Variants in DIAPH2 observed in about 807,000 individuals in gnomAD.
DIAPH2 encodes the protein diaphanous related formin 2.
Under a neutral mutation model 92.7 loss-of-function variants are expected in DIAPH2, and 35 were observed. That is an observed-to-expected ratio of 0.38 (90% CI 0.29 to 0.50). The LOEUF is 0.50. DIAPH2 is among the 20% of genes least tolerant of loss of function. The pLI, the probability that DIAPH2 is intolerant of heterozygous loss-of-function variation, is 0.94. For missense variants in DIAPH2, 701 were observed against 819.5 expected (o/e 0.86, Z 1.77); for synonymous variants, 301 against 280.4 (o/e 1.07, Z -0.73).
chrX:97,247,130 C>A (rs2068149134), intron 22 of DIAPH2, among the ~76,000 whole-genome samples: 1 of 111,399 alleles, frequency 9.0e-6, no homozygotes, highest in African/African-American at 3.3e-5. Flanking sequence ...TGAGGGCAGG[C>A]TGAATCTTTG....
intron 26 of DIAPH2, among the ~76,000 whole-genome samples, chrX:97,514,822 G>A (rs968534499): frequency 2.7e-5 from 3 of 109,971 alleles, no homozygotes; most frequent in Non-Finnish European, 5.7e-5. Flanking sequence ...TAGGCTGCTC[G>A]GGGGTCAGAG....
intron 22 of DIAPH2, among the ~76,000 whole-genome samples, chrX:97,231,072 A>G (rs1042547795): frequency 2.8e-4 from 32 of 112,294 alleles, no homozygotes; most frequent in African/African-American, 1.0e-3. Flanking sequence ...TGTGAGGGAA[A>G]CTTTAGAATT....
intron 24 of DIAPH2, among the ~76,000 whole-genome samples, chrX:97,366,343 C>G (rs1459478695): frequency 8.9e-6 from 1 of 112,098 alleles, no homozygotes; most frequent in African/African-American, 3.2e-5. Context: ...TCTTCGTCAA[C>G]ATTGATTTAG....
chrX:97,132,228 C>T (rs1480330595), intron 21 of DIAPH2, among the ~76,000 whole-genome samples: 1 of 111,194 alleles, frequency 9.0e-6, no homozygotes, highest in Non-Finnish European at 1.9e-5. Flanking sequence ...TTGGAAATAT[C>T]ATTATAATAC....
intron 4 of DIAPH2, among the ~76,000 whole-genome samples, chrX:96,838,983 A>G (rs2064917468): frequency 8.9e-6 from 1 of 111,930 alleles, no homozygotes. Flanking sequence ...TTTTAGATGT[A>G]TATTTGAATC....
chrX:97,162,761 C>T (rs970589829), intron 22 of DIAPH2, among the ~76,000 whole-genome samples: 3 of 111,665 alleles, frequency 2.7e-5, no homozygotes, highest in Non-Finnish European at 5.6e-5. Context: ...GTGATCCACC[C>T]GCCTCAGCCT....
At chrX:96,887,372 G>C (rs1164679741) in intron 5 of DIAPH2, among the ~76,000 whole-genome samples, 1 of 111,273 alleles carries the variant, frequency 9.0e-6, no homozygotes, top group East Asian at 2.8e-4. Flanking sequence ...TGCCCTGATA[G>C]TTAGCCACAC....
chrX:97,368,695 T>A (rs1204868234), intron 24 of DIAPH2, among the ~76,000 whole-genome samples: 27 of 16,455 alleles, frequency 1.6e-3, no homozygotes, highest in Non-Finnish European at 3.7e-3. Context: ...TCAAAAAGTA[T>A]AAGCCCAAGT....
At chrX:97,313,799 C>T (rs1027199809) in intron 23 of DIAPH2, among the ~76,000 whole-genome samples, 9 of 110,213 alleles carry the variant, frequency 8.2e-5, no homozygotes, top group South Asian at 4.0e-4. Context: ...CCACCATGCC[C>T]GGCTAATTTT....
intron 23 of DIAPH2, among the ~76,000 whole-genome samples, chrX:97,311,505 GGGAGTGCTGATT>G (rs770217577): frequency 1.6e-4 from 18 of 111,183 alleles, no homozygotes; most frequent in Non-Finnish European, 3.4e-4. Context: ...CCTGTGAGCC[GGGAGTGCTGATT>G]GGTTAGGTCA....
chrX:96,962,456 CATATATATATACATATATATAT>C (rs2065866954), intron 16 of DIAPH2, among the ~76,000 whole-genome samples: 1 of 57,492 alleles, frequency 1.7e-5, no homozygotes, highest in Non-Finnish European at 2.9e-5. Flanking sequence ...TATACACACA[CATATATATATACATATATATAT>C]ACACACACAC....
intron 5 of DIAPH2, among the ~76,000 whole-genome samples, chrX:96,888,172 T>A (rs1300899478): frequency 1.8e-5 from 2 of 109,724 alleles, no homozygotes; most frequent in Non-Finnish European, 3.8e-5. Flanking sequence ...GTGATTCTCC[T>A]GCCTCAGCCT....
At chrX:97,005,332 TA>T (rs1395335962) in intron 17 of DIAPH2, among the ~76,000 whole-genome samples, 3 of 99,463 alleles carry the variant, frequency 3.0e-5, no homozygotes, top group African/African-American at 1.4e-4. Context: ...CCTCCTCCTC[TA>T]TTTTTTTTTT....
intron 26 of DIAPH2, among the ~76,000 whole-genome samples, chrX:97,466,246 T>A (rs1469333828): frequency 8.9e-6 from 1 of 112,237 alleles, no homozygotes; most frequent in East Asian, 2.8e-4. Context: ...ACTTCACAAA[T>A]GTTTTTTGCC....
chrX:97,178,445 T>C (rs113041131), intron 22 of DIAPH2, among the ~76,000 whole-genome samples: 5 of 71,231 alleles, frequency 7.0e-5, no homozygotes, highest in South Asian at 7.7e-4. Flanking sequence ...ATATTTCTCT[T>C]TTTTTTTTTT....
chrX:96,841,882 T>C (rs1192787576), intron 4 of DIAPH2, among the ~76,000 whole-genome samples: 1 of 111,144 alleles, frequency 9.0e-6, no homozygotes, highest in Non-Finnish European at 1.9e-5. Flanking sequence ...GGGGCAGTTT[T>C]ATAGGATTTG....
chrX:97,256,666 TG>T (rs755340741), intron 23 of DIAPH2, among the ~76,000 whole-genome samples: 2 of 111,518 alleles, frequency 1.8e-5, no homozygotes, highest in Admixed American at 9.6e-5. Context: ...TTTGTTTGTT[TG>T]TTTGTTTGTT....
chrX:96,962,900 CCTTTCT>C (rs1169483607), intron 16 of DIAPH2, among the ~76,000 whole-genome samples: 1 of 109,770 alleles, frequency 9.1e-6, no homozygotes, highest in Non-Finnish European at 1.9e-5. Context: ...ACATTTGAGT[CCTTTCT>C]CTTTCTCATT....
intron 17 of DIAPH2, among the ~76,000 whole-genome samples, chrX:97,019,986 A>G (rs1442622074): frequency 8.9e-6 from 1 of 112,345 alleles, no homozygotes; most frequent in East Asian, 2.8e-4. Flanking sequence ...ATCTACCTGC[A>G]CCCTAAAGCT....
Sources: allele counts gnomAD v4.1 joint callset (sites outside exome capture counted in the v4.1 genomes callset), GRCh38; gene constraint gnomAD v4.1.1; transcripts MANE v1.5; gene names NCBI Gene and HGNC (gene_info 2026-07-23, HGNC 2026-07-21).